The following GPBP1 variants were observed in gnomAD, a reference collection of about 807,000 sequenced individuals.
GPBP1 encodes vasculin.
A neutral mutation model predicts 56.5 loss-of-function variants in GPBP1; 13 were observed. The observed-to-expected ratio is 0.23, with a 90% CI of 0.15 to 0.37. GPBP1 has a LOEUF of 0.37. Ranked by LOEUF, GPBP1 falls within the 10% of genes least tolerant of loss-of-function variation. The pLI is 1.00. For synonymous variants in GPBP1, 204 were observed against 188.9 expected (o/e 1.08, Z -0.66); for missense variants, 477 against 572.3 (o/e 0.83, Z 1.70).
chr5:57,182,890 C>T (rs932062770), intron 2 of GPBP1, among the ~76,000 whole-genome samples: 7 of 152,084 alleles, frequency 4.6e-5, no homozygotes, highest in Admixed American at 3.9e-4. Context: ...GTTATGTTTC[C>T]CAGGCTAGTC....
At chr5:57,260,325 TAA>T (rs1410832705) in intron 10 of GPBP1, among the ~76,000 whole-genome samples, 1 of 152,220 alleles carries the variant, frequency 6.6e-6, no homozygotes, top group Non-Finnish European at 1.5e-5. Flanking sequence ...CATCTTTTCT[TAA>T]AATGAGTTAT....
At chr5:57,179,404 A>G (rs1393381694) in intron 2 of GPBP1, among the ~76,000 whole-genome samples, 1 of 152,028 alleles carries the variant, frequency 6.6e-6, no homozygotes, top group African/African-American at 2.4e-5. Context: ...ATTGGAGTGT[A>G]ATGGCACGAT....
In GPBP1 at chr5:57,175,686, C is replaced by G. The variant is rs570432852; in HGVS notation, c.-772C>G. 1.2e-4 allele frequency: 49 copies of G among 396,422 alleles called. No homozygotes were observed. Among genetic ancestry groups the G allele is most frequent in the Non-Finnish European group, 1.9e-4 (42 of 225,326 alleles). 24.6% of individuals were successfully genotyped at this position (396,422 alleles called of 1,614,324 possible). ...ATTTTGGTTCAAACGGATTATATAA[C>G]TGGTTACAGTATTTCAGCTGGTGGT... On this transcript the variant is annotated 5_prime_UTR_variant, in exon 2 of 12. Coordinates refer to ENST00000506184, the MANE Select transcript of GPBP1 (RefSeq NM_022913.4).
intron 2 of GPBP1, among the ~76,000 whole-genome samples, chr5:57,189,443 A>G (rs1754425919): frequency 6.6e-6 from 1 of 152,066 alleles, no homozygotes; most frequent in Non-Finnish European, 1.5e-5. Flanking sequence ...TTTTTAGTAG[A>G]GACAGGGTTT....
chr5:57,244,843 C>T (rs1245492029), intron 6 of GPBP1, among the ~76,000 whole-genome samples: 1 of 147,296 alleles, frequency 6.8e-6, no homozygotes, highest in Non-Finnish European at 1.5e-5. Flanking sequence ...AAGTGATTCT[C>T]CTGCCTCAGC....
At chr5:57,228,070 TA>T (rs1170423342) in intron 3 of GPBP1, among the ~76,000 whole-genome samples, 1 of 152,214 alleles carries the variant, frequency 6.6e-6, no homozygotes, top group Admixed American at 6.5e-5. Context: ...CTTAAGGCTT[TA>T]AAAAATATTT....
intron 6 of GPBP1, among the ~76,000 whole-genome samples, chr5:57,236,369 AGTT>A (rs906329653): frequency 1.2e-4 from 18 of 152,200 alleles, no homozygotes; most frequent in African/African-American, 3.6e-4. Flanking sequence ...ATTAATTTTT[AGTT>A]GTTCAAAGTT....
intron 7 of GPBP1, 50 bp downstream of exon 7, chr5:57,246,534 A>G (rs1741099670): frequency 6.9e-7 from 1 of 1,444,146 alleles, no homozygotes. Context: ...TAACCAATTT[A>G]TGTCCTATGG....
At chr5:57,204,529 G>C (rs1231048864) in intron 2 of GPBP1, among the ~76,000 whole-genome samples, 1 of 152,174 alleles carries the variant, frequency 6.6e-6, no homozygotes, top group Admixed American at 6.5e-5. Flanking sequence ...TGGGATTATA[G>C]GCATGAGCCA....
intron 3 of GPBP1, chr5:57,221,423 CA>C (rs1561350198): frequency 2.8e-6 from 4 of 1,434,224 alleles, no homozygotes; most frequent in Non-Finnish European, 2.9e-6. Context: ...GAATATTGAA[CA>C]GATATTGAAA....
chr5:57,216,418 C>A (rs926812113), intron 3 of GPBP1, among the ~76,000 whole-genome samples: 1 of 151,972 alleles, frequency 6.6e-6, no homozygotes, highest in South Asian at 2.1e-4. Flanking sequence ...CTGGGGAAAA[C>A]GATTAAAAAA....
chr5:57,220,460 CTT>C (rs5868040), intron 3 of GPBP1, among the ~76,000 whole-genome samples: 466 of 138,906 alleles, frequency 3.4e-3, no homozygotes, highest in African/African-American at 9.4e-3. Flanking sequence ...ACAATTTAAA[CTT>C]TTTTTTTTTT....
chr5:57,199,353 G>A (rs1754899112), intron 2 of GPBP1, among the ~76,000 whole-genome samples: 1 of 152,100 alleles, frequency 6.6e-6, no homozygotes, highest in South Asian at 2.1e-4. Context: ...TGGGATATAT[G>A]AACATTAGGG....
At chr5:57,256,550 C>T (rs1483529979) in intron 10 of GPBP1, among the ~76,000 whole-genome samples, 6 of 151,460 alleles carry the variant, frequency 4.0e-5, no homozygotes, top group African/African-American at 1.5e-4. Flanking sequence ...GTTATGCATA[C>T]GAATACCATT....
At chr5:57,239,929 T>C (rs2111893511) in intron 6 of GPBP1, among the ~76,000 whole-genome samples, 1 of 152,240 alleles carries the variant, frequency 6.6e-6, no homozygotes, top group South Asian at 2.1e-4. Context: ...GGTCTGTGTA[T>C]GTACTATTGT....
At chr5:57,176,610 A>G (rs1753796626) in intron 2 of GPBP1, among the ~76,000 whole-genome samples, 2 of 152,218 alleles carry the variant, frequency 1.3e-5, no homozygotes, top group African/African-American at 4.8e-5. Context: ...AACTTTTCAG[A>G]TTCAAACAGT....
intron 2 of GPBP1, among the ~76,000 whole-genome samples, chr5:57,195,929 A>G (rs566122624): frequency 7.7e-6 from 1 of 129,664 alleles, no homozygotes; most frequent in African/African-American, 3.0e-5. Flanking sequence ...CCTGAACTAG[A>G]GAGGCGGAGA....
chr5:57,251,444 TATA>T (rs1234757237), intron 10 of GPBP1, among the ~76,000 whole-genome samples: 8 of 152,196 alleles, frequency 5.3e-5, no homozygotes, highest in East Asian at 1.9e-4. Flanking sequence ...TTTCACTAAG[TATA>T]ATATTTTCAA....
chr5:57,218,416 T>C (rs1331767866), intron 3 of GPBP1, among the ~76,000 whole-genome samples: 2 of 152,180 alleles, frequency 1.3e-5, no homozygotes, highest in South Asian at 2.1e-4. Flanking sequence ...CTGATTTTAT[T>C]ATAAAGGATA....
Sources: allele counts gnomAD v4.1 joint callset (sites outside exome capture counted in the v4.1 genomes callset), GRCh38; gene constraint gnomAD v4.1.1; transcripts MANE v1.5; gene names NCBI Gene and HGNC (gene_info 2026-07-23, HGNC 2026-07-21).